PCDH11Y: variants seen among roughly 807,000 people sequenced by gnomAD.
PCDH11Y encodes the protein protocadherin 11 Y-linked.
For synonymous variants in PCDH11Y, 9 were observed against 83.6 expected, an observed-to-expected ratio of 0.11 and a Z score of 4.87; for missense variants, 12 against 224.8, an observed-to-expected ratio of 0.05 and a Z score of 6.05.
chrY:5,482,659 T>C (rs1602932116), intron 2 of PCDH11Y, among the ~76,000 whole-genome samples: 3 of 33,542 alleles, frequency 8.9e-5, no homozygotes, highest in South Asian at 1.3e-3. Context: ...GAGTCTATTG[T>C]AGACAGTACA....
At chrY:5,595,812 C>G (rs2053466850) in intron 4 of PCDH11Y, among the ~76,000 whole-genome samples, 1 of 32,442 alleles carries the variant, frequency 3.1e-5, no homozygotes, top group Non-Finnish European at 7.5e-5. Flanking sequence ...AGCCAGGTAC[C>G]AATGTTTAAC....
intron 2 of PCDH11Y, among the ~76,000 whole-genome samples, chrY:5,420,983 A>G: frequency 3.4e-5 from 1 of 29,465 alleles, no homozygotes; most frequent in Non-Finnish European, 8.0e-5. Flanking sequence ...CAAGGTGGGC[A>G]GATCACGAGG....
chrY:5,349,140 T>A (rs1602909058), intron 2 of PCDH11Y, among the ~76,000 whole-genome samples: 3 of 29,736 alleles, frequency 1.0e-4, no homozygotes, highest in Admixed American at 3.3e-4. Context: ...AAAAAAAAAA[T>A]AGGCCTAGTA....
intron 2 of PCDH11Y, among the ~76,000 whole-genome samples, chrY:5,488,807 G>A (rs2053335859): frequency 9.0e-5 from 3 of 33,203 alleles, no homozygotes; most frequent in Non-Finnish European, 2.2e-4. Context: ...ACTTTTGGAA[G>A]GCTCATTGCA....
At chrY:5,162,384 T>G (rs1602878277) in intron 2 of PCDH11Y, among the ~76,000 whole-genome samples, 6 of 32,781 alleles carry the variant, frequency 1.8e-4, no homozygotes, top group African/African-American at 7.1e-4. Flanking sequence ...TGAAGTAACT[T>G]ATATTCATTC....
chrY:5,034,177 TC>T (rs2052595281), intron 3 of PCDH11Y, among the ~76,000 whole-genome samples: 1 of 32,849 alleles, frequency 3.0e-5, no homozygotes, highest in African/African-American at 1.2e-4. Context: ...AACACCTTCA[TC>T]CTTTCCATGT....
At chrY:5,385,762 G>A (rs375421694) in intron 2 of PCDH11Y, among the ~76,000 whole-genome samples, 1 of 33,582 alleles carries the variant, frequency 3.0e-5, no homozygotes, top group Non-Finnish European at 7.3e-5. Flanking sequence ...GATCATTAGT[G>A]CTGTTGATCA....
At chrY:5,202,348 G>A (rs2052927699) in intron 2 of PCDH11Y, among the ~76,000 whole-genome samples, 22 of 32,717 alleles carry the variant, frequency 6.7e-4, no homozygotes, top group African/African-American at 2.6e-3. Context: ...GTAATACCTG[G>A]GGGCAGGGTG....
chrY:5,308,934 G>T (rs2053093568), intron 2 of PCDH11Y, among the ~76,000 whole-genome samples: 2 of 31,635 alleles, frequency 6.3e-5, no homozygotes, highest in South Asian at 1.4e-3. Context: ...TACAAAATTA[G>T]CTGGGTGTGC....
intron 2 of PCDH11Y, among the ~76,000 whole-genome samples, chrY:5,249,735 A>T: frequency 3.1e-5 from 1 of 32,546 alleles, no homozygotes; most frequent in African/African-American, 1.2e-4. Context: ...GCAAAAAAAA[A>T]ACTATCATCA....
chrY:5,509,295 G>A (rs2124688783), intron 3 of PCDH11Y, among the ~76,000 whole-genome samples: 4 of 32,270 alleles, frequency 1.2e-4, no homozygotes, highest in African/African-American at 4.9e-4. Context: ...TGCCCTGAAA[G>A]AGCATTTGGA....
chrY:5,492,493 G>C, intron 2 of PCDH11Y, among the ~76,000 whole-genome samples: 2 of 26,024 alleles, frequency 7.7e-5, no homozygotes, highest in Admixed American at 3.9e-4. Flanking sequence ...GTGTGTGTAT[G>C]TGTGTATGTG....
At chrY:5,704,657 C>T (rs2053581527) in intron 4 of PCDH11Y, among the ~76,000 whole-genome samples, 2 of 31,234 alleles carry the variant, frequency 6.4e-5, no homozygotes, top group African/African-American at 2.5e-4. Context: ...TCTCGATCTC[C>T]TGACCTCATG....
At chrY:5,345,915 G>A (rs2053152051) in intron 2 of PCDH11Y, among the ~76,000 whole-genome samples, 1 of 33,025 alleles carries the variant, frequency 3.0e-5, no homozygotes, top group African/African-American at 1.2e-4. Context: ...CACCCGCCTC[G>A]GCCTCCCAAA....
intron 2 of PCDH11Y, among the ~76,000 whole-genome samples, chrY:5,298,990 C>A (rs2053078645): frequency 6.1e-5 from 2 of 32,522 alleles, no homozygotes; most frequent in Admixed American, 2.8e-4. Flanking sequence ...TCAGAAAATG[C>A]AAATGAATTT....
chrY:5,095,142 G>A (rs2124634512), intron 1 of PCDH11Y, among the ~76,000 whole-genome samples: 12 of 33,353 alleles, frequency 3.6e-4, no homozygotes, highest in Admixed American at 3.2e-3. Context: ...CAGATGTATT[G>A]TATTCATAAA....
At position 5,341,517 on chromosome Y, in the gene PCDH11Y, G is replaced by A; in HGVS notation, c.3130-159540G>A. ...AAACCTTGTTAGGAATTAGTTGTGTGTTTTTGGGAAGGCCTCTTTTGCAAT... is the reference window on the plus strand; with the variant it reads ...AAACCTTGTTAGGAATTAGTTGTGTATTTTTGGGAAGGCCTCTTTTGCAAT... On this transcript the variant is annotated intron_variant, in intron 2 of 4. Coordinates refer to the PCDH11Y transcript ENST00000400457. Among the ~76,000 whole-genome samples the A allele has an allele frequency of 9.1e-5, 3 of 32,886 alleles. No individual in the cohort carries two copies. In the South Asian group the frequency reaches 2.0e-3, roughly 22 times the overall value. 88.2% of individuals were successfully genotyped at this position (32,886 alleles called of 37,273 possible).
At chrY:5,509,263 A>T (rs1602935801) in intron 3 of PCDH11Y, among the ~76,000 whole-genome samples, 1 of 32,447 alleles carries the variant, frequency 3.1e-5, no homozygotes, top group African/African-American at 1.2e-4. Context: ...TTATTTTTTT[A>T]AAAAGGTTCC....
intron 4 of PCDH11Y, among the ~76,000 whole-genome samples, chrY:5,651,734 A>T: frequency 3.2e-5 from 1 of 31,585 alleles, no homozygotes; most frequent in East Asian, 8.4e-4. Context: ...AGGTTCATGT[A>T]AAAAAACAAC....
Sources: allele counts gnomAD v4.1 joint callset (sites outside exome capture counted in the v4.1 genomes callset), GRCh38; gene constraint gnomAD v4.1.1; transcripts MANE v1.5; gene names NCBI Gene and HGNC (gene_info 2026-07-23, HGNC 2026-07-21).